The following ITIH1 variants were observed in gnomAD, a reference collection of about 807,000 sequenced individuals.
ITIH1 encodes the protein inter-alpha-trypsin inhibitor heavy chain H1.
A neutral mutation model predicts 104.6 loss-of-function variants in ITIH1; 94 were observed. The ratio of observed to expected loss-of-function variants is 0.90; its 90% CI spans 0.76 to 1.07. The LOEUF is 1.07. Ranked by LOEUF, ITIH1 falls within the 50% of genes least tolerant of loss-of-function variation. ITIH1 has a pLI of 0.00. For missense variants in ITIH1, 1,193 were observed against 1,181.4 expected, an observed-to-expected ratio of 1.01 and a Z score of -0.14; for synonymous variants, 455 against 464.4, an observed-to-expected ratio of 0.98 and a Z score of 0.26.
chr3:52,785,387 C>T (rs1349356936), intron 12 of ITIH1, among the ~76,000 whole-genome samples, 158 bp downstream of exon 12: 2 of 152,190 alleles, frequency 1.3e-5, no homozygotes, highest in Non-Finnish European at 2.9e-5. Context: ...CCTGAACATC[C>T]CTCCACACAG....
Position 52,779,056 on chromosome 3 carries a change from G to A in ITIH1, c.410+10G>A. 1 of 1,583,892 alleles carries A rather than the reference G, an allele frequency of 6.3e-7. No homozygotes were observed. The highest frequency in any genetic ancestry group is 8.7e-7 in the Non-Finnish European group (1 of 1,152,494). On this transcript the variant is annotated intron_variant, in intron 4 of 21. Transcript: ENST00000273283. The surrounding 1 kb of genome is among the most constrained non-coding windows in gnomAD (Gnocchi z 4.4). ...ATGCCGGCCTTGTCAGGTGAGTTCT[G>A]GGCCTGCTGGTCTCATCTCTAGGGC... is the stretch of plus-strand genomic sequence containing the variant.
chr3:52,785,311 T>TC, intron 12 of ITIH1, 82 bp downstream of exon 12: 1 of 1,372,504 alleles, frequency 7.3e-7, no homozygotes. Flanking sequence ...ATTCCTGCCA[T>TC]CCCCCAGAGG....
Position 52,791,505 on chromosome 3 carries a change from G to T in ITIH1, c.2495-12G>T. On this transcript the variant is annotated splice_polypyrimidine_tract_variant and intron_variant, in intron 20 of 21. Coordinates refer to ENST00000273283, the MANE Select transcript of ITIH1 (RefSeq NM_002215.4). The stretch of plus-strand genomic sequence containing the variant: ...CGAGATGGTAACCGCTGTCTCCAAT[G>T]TGCCTTTCTAGGGCAATTTTTCCAC... 6.2e-7 allele frequency: 1 copy of T among 1,608,006 alleles called. No individual in the cohort carries two copies. Among genetic ancestry groups the T allele is most frequent in the Non-Finnish European group, 8.5e-7 (1 of 1,174,772 alleles).
rs1424382960 is a variant in ITIH1, at chr3:52,788,220, C to A, written c.2006-12C>A. On this transcript the variant is annotated splice_polypyrimidine_tract_variant and intron_variant, in intron 17 of 21. Transcript: ENST00000273283. ...GATGTCCAATCTAACGAATTCCATG[C>A]TGTGCCCCCAGTGGACACAGACCCT... 1.3e-6 allele frequency: 2 copies of A among 1,593,260 alleles called. No individual in the cohort carries two copies. The highest frequency in any genetic ancestry group is 8.6e-7 in the Non-Finnish European group (1 of 1,163,760).
chr3:52,790,212 C>A, intron 19 of ITIH1: 2 of 358,030 alleles, frequency 5.6e-6, no homozygotes, highest in South Asian at 6.8e-5. Flanking sequence ...CTGGGCTTCT[C>A]ATTTGGCATG....
rs1428667564 is a variant in ITIH1, at chr3:52,786,382, C to T, written c.1681C>T (p.His561Tyr). The change falls in exon 13 of 22, where the codon CAC becomes TAC. Residue 561 changes from histidine (H) to tyrosine (Y), a missense_variant. Physicochemically the swap from His to Tyr is moderately conservative, Grantham distance 83. Transcript: ENST00000273283. ...AGAGCGTGGCCACATGCTGGAGAAC[C>T]ACGTCGAGCGCCTCTGGGCCTACCT... is the stretch of plus-strand genomic sequence containing the variant. ...LRERGHMLEN[H>Y]VERLWAYLTI... is the part of the protein sequence containing the mutation. 6.3e-7 allele frequency: 1 copy of T among 1,585,520 alleles called. No homozygotes were observed. Among genetic ancestry groups the T allele is most frequent in the Non-Finnish European group, 8.6e-7 (1 of 1,165,616 alleles).
intron 6 of ITIH1, among the ~76,000 whole-genome samples, chr3:52,781,203 TTTTTTTTCTTCTTCTTCTTCTTCTTC>T (rs1699027929): frequency 4.1e-5 from 5 of 122,696 alleles, no homozygotes; most frequent in African/African-American, 1.8e-4. Context: ...TCTTCTTTTT[TTTTTTTTCTTCTTCTTCTTCTTCTTC>T]TTCTTCTTCT....
At chr3:52,778,793 C>A in intron 3 of ITIH1, 149 bp from the exon 4 acceptor site, 1 of 1,073,804 alleles carries the variant, frequency 9.3e-7, no homozygotes, top group Non-Finnish European at 1.3e-6. Flanking sequence ...CTGCTCACCT[C>A]ATTGCCCATG....
At chr3:52,782,320 A>G in intron 8 of ITIH1, 53 bp downstream of exon 8, 1 of 1,370,932 alleles carries the variant, frequency 7.3e-7, no homozygotes, top group South Asian at 1.2e-5. Flanking sequence ...CAGCCCCATC[A>G]CTCACCACAT....
At position 52,787,177 on chromosome 3, in the gene ITIH1, C is replaced by T. The variant is rs780396057; in HGVS notation, c.1889-11C>T. Reference sequence around the variant, plus strand: ...GGGGCTCTAATTATTTTCTCTTTCTCTCCCTTCCAGATTCTCCGCCTTTGG... The same window carrying T: ...GGGGCTCTAATTATTTTCTCTTTCTTTCCCTTCCAGATTCTCCGCCTTTGG... On this transcript the variant is annotated splice_polypyrimidine_tract_variant and intron_variant, in intron 14 of 21. Coordinates refer to ENST00000273283, the MANE Select transcript of ITIH1 (RefSeq NM_002215.4). 1.9e-6 allele frequency: 3 copies of T among 1,614,050 alleles called. No individual in the cohort carries two copies. The African/African-American group carries it at 4.0e-5, about 22-fold the overall frequency.
chr3:52,778,624 C>A, intron 3 of ITIH1, 118 bp downstream of exon 3: 1 of 1,522,294 alleles, frequency 6.6e-7, no homozygotes, highest in Non-Finnish European at 8.8e-7. Context: ...CTAGAAGGGC[C>A]ACAGACCAGC....
At chr3:52,782,534 G>A (rs925175587) in intron 8 of ITIH1, among the ~76,000 whole-genome samples, 1 of 152,096 alleles carries the variant, frequency 6.6e-6, no homozygotes, top group Admixed American at 6.5e-5. Flanking sequence ...GTTACCCCCT[G>A]GGGGAAGTGC....
At position 52,791,584 on chromosome 3, in the gene ITIH1, AGATGCCAC is replaced by A. The variant is rs1231468960; in HGVS notation, c.2567_2574del (p.Ala856GlyfsTer46). On this transcript the variant is annotated frameshift_variant, in exon 21 of 22. Transcript: ENST00000273283. LOFTEE classifies it low-confidence loss of function (END_TRUNC). The stretch of plus-strand genomic sequence containing the variant: ...ACCCAGGCTCTGACCCCACAAAGCC[AGATGCCAC>A]GATGGTGGTGAGGAACCGCCGGCTC... 6.2e-7 allele frequency: 1 copy of A among 1,614,160 alleles called. No individual in the cohort carries two copies. The highest frequency in any genetic ancestry group is 1.1e-5 in the South Asian group (1 of 91,082).
chr3:52,778,260 G>A, intron 2 of ITIH1, 80 bp from the exon 3 acceptor site: 2 of 1,440,618 alleles, frequency 1.4e-6, no homozygotes, highest in Non-Finnish European at 1.9e-6. Flanking sequence ...GGGGCTAAGT[G>A]CCAAGTCCCC....
chr3:52,783,413 A>G, intron 10 of ITIH1, 74 bp downstream of exon 10: 3 of 1,531,552 alleles, frequency 2.0e-6, no homozygotes, highest in Non-Finnish European at 2.7e-6. Context: ...GAAGTTGGAA[A>G]CCCAACCATT....
intron 18 of ITIH1, among the ~76,000 whole-genome samples, 179 bp from the exon 19 acceptor site, chr3:52,789,474 A>G (rs1049347095): frequency 2.6e-5 from 4 of 152,034 alleles, no homozygotes; most frequent in Admixed American, 2.6e-4. Context: ...GGAGGGGTGG[A>G]GAGGAAGGAG....
At chr3:52,784,927 T>C (rs1699160319) in intron 11 of ITIH1, 117 bp from the exon 12 acceptor site, 1 of 1,020,544 alleles carries the variant, frequency 9.8e-7, no homozygotes. Flanking sequence ...ACTTGACCTC[T>C]CGGACCCTCA....
chr3:52,779,082 T>C lies in ITIH1; in HGVS notation c.410+36T>C, dbSNP rs773468912. ...GGCCTGCTGGTCTCATCTCTAGGGC[T>C]GCCCTCCCCAGCCAGGACAGGTCTG... On this transcript the variant is annotated intron_variant, in intron 4 of 21. Transcript: ENST00000273283. The surrounding 1 kb of genome is among the most constrained non-coding windows in gnomAD (Gnocchi z 4.4). 1 of 1,425,732 alleles carries C rather than the reference T, an allele frequency of 7.0e-7. No homozygotes were observed. Among genetic ancestry groups the C allele is most frequent in the Non-Finnish European group, 9.9e-7 (1 of 1,008,146 alleles). 88.3% of individuals were successfully genotyped at this position (1,425,732 alleles called of 1,614,324 possible). A position where few individuals can be genotyped will look rare whatever the true frequency, so the allele number is the denominator to read the frequency against.
At chr3:52,791,279 CT>C (rs1193916101) in intron 20 of ITIH1, among the ~76,000 whole-genome samples, 2 of 152,074 alleles carry the variant, frequency 1.3e-5, no homozygotes, top group Non-Finnish European at 2.9e-5. Flanking sequence ...TCAAACCTCT[CT>C]CCCCAGACAG....
Sources: allele counts gnomAD v4.1 joint callset (sites outside exome capture counted in the v4.1 genomes callset), GRCh38; gene constraint gnomAD v4.1.1; non-coding constraint Gnocchi (gnomAD v3.1); transcripts MANE v1.5; gene names NCBI Gene and HGNC (gene_info 2026-07-23, HGNC 2026-07-21).